Variants in SLC25A24 observed in about 807,000 individuals in gnomAD.
The protein encoded by SLC25A24 is solute carrier family 25 member 24.
A neutral mutation model predicts 60.7 loss-of-function variants in SLC25A24; 49 were observed. The observed-to-expected ratio is 0.81, with a 90% CI of 0.64 to 1.02. The LOEUF (loss-of-function observed/expected upper bound fraction) is 1.02, where lower values mean the gene tolerates loss of function less well. Ranked by LOEUF, SLC25A24 falls within the 50% of genes least tolerant of loss-of-function variation. The pLI, the probability that SLC25A24 is intolerant of heterozygous loss-of-function variation, is 0.00. For synonymous variants in SLC25A24, 202 were observed against 200.6 expected, an observed-to-expected ratio of 1.01 and a Z score of -0.06; for missense variants, 564 against 586.3, an observed-to-expected ratio of 0.96 and a Z score of 0.39.
At chr1:108,173,384 C>T (rs181088938) in intron 3 of SLC25A24, among the ~76,000 whole-genome samples, 2 of 152,308 alleles carry the variant, frequency 1.3e-5, no homozygotes, top group East Asian at 1.9e-4. Flanking sequence ...AGCACTTCTT[C>T]TTCCTGCCAC....
chr1:108,143,823 G>A, intron 7 of SLC25A24, 113 bp from the exon 8 acceptor site: 1 of 815,114 alleles, frequency 1.2e-6, no homozygotes, highest in Non-Finnish European at 1.9e-6. Context: ...TCACTCAAAA[G>A]ACTGTACAAT....
At chr1:108,190,343 G>C (rs80280322) in intron 1 of SLC25A24, among the ~76,000 whole-genome samples, 2 of 152,096 alleles carry the variant, frequency 1.3e-5, no homozygotes, top group Non-Finnish European at 2.9e-5. Context: ...AAATTAGGGG[G>C]GCTGTCGGTT....
chr1:108,135,537 T>C lies in SLC25A24; in HGVS notation c.*1116A>G, dbSNP rs1480956816. ...ATTATTATAAATTAAGTCTCCTATA[T>C]CCTAACATGTTCCTAAAACTTGGGG... On this transcript the variant is annotated 3_prime_UTR_variant, in exon 10 of 10. Coordinates refer to ENST00000565488, the MANE Select transcript of SLC25A24 (RefSeq NM_013386.5). The C allele has an allele frequency of 6.6e-6, 1 of 152,240 alleles. No individual in the cohort carries two copies. Among genetic ancestry groups the C allele is most frequent in the Non-Finnish European group, 1.5e-5 (1 of 68,026 alleles). 9.4% of individuals were successfully genotyped at this position (152,240 alleles called of 1,614,324 possible).
At chr1:108,185,124 C>T (rs1282760936) in intron 2 of SLC25A24, among the ~76,000 whole-genome samples, 1 of 152,170 alleles carries the variant, frequency 6.6e-6, no homozygotes, top group African/African-American at 2.4e-5. Flanking sequence ...CATGTTATGA[C>T]ATAGTAAGAG....
chr1:108,188,177 G>A (rs1025974179), intron 1 of SLC25A24, among the ~76,000 whole-genome samples: 1 of 151,642 alleles, frequency 6.6e-6, no homozygotes, highest in Non-Finnish European at 1.5e-5. Flanking sequence ...GCAAAACATG[G>A]GGTGCACACG....
chr1:108,192,856 G>T, intron 1 of SLC25A24: 1 of 983,704 alleles, frequency 1.0e-6, no homozygotes, highest in African/African-American at 1.6e-5. Flanking sequence ...CGGGACCTGC[G>T]TGGGACCGCA....
intron 3 of SLC25A24, among the ~76,000 whole-genome samples, chr1:108,171,589 T>C (rs1647463590): frequency 6.6e-6 from 1 of 152,198 alleles, no homozygotes. Flanking sequence ...AGCATAATTC[T>C]ACTCATTCTT....
At chr1:108,164,073 T>G (rs566787122) in intron 3 of SLC25A24, among the ~76,000 whole-genome samples, 4 of 152,340 alleles carry the variant, frequency 2.6e-5, no homozygotes, top group African/African-American at 7.2e-5. Flanking sequence ...TCTTTGGTTC[T>G]GTTTATATGC....
intron 3 of SLC25A24, among the ~76,000 whole-genome samples, chr1:108,176,172 GATGAAATAATAAA>G (rs1248144400): frequency 3.3e-5 from 5 of 151,942 alleles, no homozygotes; most frequent in African/African-American, 1.2e-4. Context: ...GTAATAAAGA[GATGAAATAATAAA>G]AGAAAAAATC....
At position 108,185,893 on chromosome 1, in the gene SLC25A24, T is replaced by G. The variant is rs1489412918; in HGVS notation, c.245A>C (p.Lys82Thr). 6.3e-7 allele frequency: 1 copy of G among 1,594,052 alleles called. No homozygotes were observed. The highest frequency in any genetic ancestry group is 8.6e-7 in the Non-Finnish European group (1 of 1,165,020). The change falls in exon 2 of 10, where the codon AAG becomes ACG. Residue 82 changes from lysine (K) to threonine (T), a missense_variant. By Grantham distance (78) the Lys-to-Thr change is moderately conservative. Coordinates refer to ENST00000565488, the MANE Select transcript of SLC25A24 (RefSeq NM_013386.5). ...TTTCTTCTCATGGTCTTTAAGGTAC[T>G]TCATAAATTCTTCAAAATCCAGCTT... is the stretch of plus-strand genomic sequence containing the variant. ...DGKLDFEEFM[K>T]YLKDHEKKMK...
At chr1:108,159,672 C>G (rs1047873535) in intron 4 of SLC25A24, among the ~76,000 whole-genome samples, 11 of 151,802 alleles carry the variant, frequency 7.2e-5, no homozygotes, top group Admixed American at 5.2e-4. Context: ...TGACTCTTAA[C>G]GAGCCTGCTG....
intron 3 of SLC25A24, among the ~76,000 whole-genome samples, chr1:108,172,209 T>C (rs1450400761): frequency 2.6e-5 from 4 of 152,212 alleles, no homozygotes; most frequent in Non-Finnish European, 5.9e-5. Flanking sequence ...ACTTCATATC[T>C]ACAGCTTCTA....
intron 2 of SLC25A24, 43 bp from the exon 3 acceptor site, chr1:108,182,071 G>C: frequency 8.0e-7 from 1 of 1,244,386 alleles, no homozygotes; most frequent in South Asian, 1.2e-5. Flanking sequence ...CTCAGAACTG[G>C]TAAGAACCAC....
intron 1 of SLC25A24, among the ~76,000 whole-genome samples, chr1:108,198,030 C>T (rs1201386334): frequency 6.6e-6 from 1 of 152,142 alleles, no homozygotes; most frequent in African/African-American, 2.4e-5. Context: ...GGACACCCCT[C>T]GGATTTTGCT....
At position 108,135,274 on chromosome 1, in the gene SLC25A24, T is replaced by C. The variant is rs188512324; in HGVS notation, c.*1379A>G. ...ACAAACACCAGTCCATCTTTCTCTT[T>C]GGTTCAGAAAATAAAAGAGGTAGGT... On this transcript the variant is annotated 3_prime_UTR_variant, in exon 10 of 10. Coordinates refer to ENST00000565488, the MANE Select transcript of SLC25A24 (RefSeq NM_013386.5). 6.6e-6 allele frequency: 1 copy of C among 152,660 alleles called. No homozygotes were observed. Among genetic ancestry groups the C allele is most frequent in the Non-Finnish European group, 1.5e-5 (1 of 67,988 alleles). The allele number at this position is 152,660 out of a possible 1,614,324, so 9.5% of individuals were successfully genotyped here.
Position 108,158,681 on chromosome 1 carries a change from G to A in SLC25A24, c.511-1061C>T, listed in dbSNP as rs1174259857. 2.1e-5 allele frequency among the ~76,000 whole-genome samples: 3 copies of A among 140,360 alleles called. No homozygotes were observed. The East Asian group carries it at 6.3e-4, about 29-fold the overall frequency. 92.1% of individuals were successfully genotyped at this position (140,360 alleles called of 152,430 possible). A position where few individuals can be genotyped will look rare whatever the true frequency, so the allele number is the denominator to read the frequency against. ...CATATTTAATTTAGTCAAATCTGAA[G>A]TGTAGAAGACAAGCCCATAAAGAAA... On this transcript the variant is annotated intron_variant, in intron 4 of 9. Transcript: ENST00000565488.
At chr1:108,171,632 T>G (rs1208066234) in intron 3 of SLC25A24, among the ~76,000 whole-genome samples, 2 of 152,202 alleles carry the variant, frequency 1.3e-5, no homozygotes, top group Admixed American at 1.3e-4. Flanking sequence ...TGAGAGTCCA[T>G]TATTGCAACG....
intron 8 of SLC25A24, among the ~76,000 whole-genome samples, chr1:108,143,141 T>A (rs1304930004): frequency 6.6e-6 from 1 of 152,246 alleles, no homozygotes; most frequent in Admixed American, 6.5e-5. Flanking sequence ...TCATAAATTA[T>A]TAAATGATTT....
At chr1:108,179,107 A>G (rs1200712461) in intron 3 of SLC25A24, among the ~76,000 whole-genome samples, 3 of 148,690 alleles carry the variant, frequency 2.0e-5, no homozygotes. Flanking sequence ...AAGACATACA[A>G]ATGGCCAAAA....
Sources: allele counts gnomAD v4.1 joint callset (sites outside exome capture counted in the v4.1 genomes callset), GRCh38; gene constraint gnomAD v4.1.1; transcripts MANE v1.5; gene names NCBI Gene and HGNC (gene_info 2026-07-23, HGNC 2026-07-21).